SLFN11: variants seen among roughly 807,000 people sequenced by gnomAD.
SLFN11 encodes the protein schlafen family member 11.
In SLFN11, 43 loss-of-function variants were observed where a neutral mutation model predicts 53.4. The observed-to-expected ratio is 0.80, with a 90% CI of 0.63 to 1.04. SLFN11 has a LOEUF of 1.04. Among genes scored for constraint, SLFN11 ranks in the 50% least tolerant of loss-of-function variants. The probability of loss-of-function intolerance (pLI) is 0.00; values close to 1 mark genes in which losing one functional copy is unlikely to be tolerated. For synonymous variants in SLFN11, 389 were observed against 394.7 expected (o/e 0.99, Z 0.17); for missense variants, 990 against 1,079.1 (o/e 0.92, Z 1.16).
intron 1 of SLFN11, among the ~76,000 whole-genome samples, chr17:35,370,772 A>G (rs774711111): frequency 6.6e-6 from 1 of 152,090 alleles, no homozygotes; most frequent in Non-Finnish European, 1.5e-5. Context: ...TAAATGAAAG[A>G]TCTCTACAAT....
chr17:35,359,981 G>C (rs184682175), intron 5 of SLFN11: 1 of 343,380 alleles, frequency 2.9e-6, no homozygotes, highest in African/African-American at 2.2e-5. Context: ...CTGATGATCA[G>C]CCAGATTTGG....
At position 35,362,852 on chromosome 17, in the gene SLFN11, G is replaced by T. The variant is rs772760907; in HGVS notation, c.956C>A (p.Pro319His). Residue 319 changes from proline to histidine, a missense_variant, in exon 4 of 7, where the codon CCC becomes CAC. Around this residue, in one of 3 missense-constraint regions of SLFN11, gnomAD observed 521 missense variants for 516.2 expected, o/e 1.01. Coordinates refer to ENST00000685675, the MANE Select transcript of SLFN11 (RefSeq NM_001376007.1). Reference protein sequence around the residue: ...YGYACMIRVNPFCCAVFSEAP... With the variant: ...YGYACMIRVNHFCCAVFSEAP... ...TTCTGAGAACACTGCACAGCAGAAGGGATTTACTCTGATCATGCAAGCATA... is the reference window on the plus strand; with the variant it reads ...TTCTGAGAACACTGCACAGCAGAAGTGATTTACTCTGATCATGCAAGCATA... The T allele has an allele frequency of 4.1e-5, 66 of 1,613,762 alleles. 1 individual carries two copies. Among genetic ancestry groups the T allele is most frequent in the Admixed American group, 1.2e-4 (7 of 59,982 alleles).
intron 4 of SLFN11, among the ~76,000 whole-genome samples, chr17:35,361,803 G>A (rs1389242534): frequency 6.6e-6 from 1 of 151,812 alleles, no homozygotes; most frequent in East Asian, 1.9e-4. Context: ...GGAGTGCAGT[G>A]GTGCAATCTC....
intron 1 of SLFN11, among the ~76,000 whole-genome samples, chr17:35,368,677 C>T (rs1417291254): frequency 6.6e-6 from 1 of 152,076 alleles, no homozygotes; most frequent in Non-Finnish European, 1.5e-5. Flanking sequence ...TAAGAGAGTG[C>T]TTGCACCACC....
intron 3 of SLFN11, among the ~76,000 whole-genome samples, chr17:35,365,882 T>C (rs573384741): frequency 7.0e-6 from 1 of 143,326 alleles, no homozygotes; most frequent in South Asian, 2.3e-4. Flanking sequence ...GCATAGTGAA[T>C]AAAGATGCAC....
At position 35,353,742 on chromosome 17, in the gene SLFN11, C is replaced by T. The variant is rs570453246; in HGVS notation, c.1516G>A (p.Gly506Arg). The T allele has an allele frequency of 3.3e-6, 5 of 1,500,072 alleles. No homozygotes were observed. Among genetic ancestry groups the T allele is most frequent in the African/African-American group, 3.0e-5 (2 of 66,972 alleles). The allele number at this position is 1,500,072 out of a possible 1,614,324, so 92.9% of individuals were successfully genotyped here. A position where few individuals can be genotyped will look rare whatever the true frequency, so the allele number is the denominator to read the frequency against. ...ACCTTGGCCCTGACACACACCTTCC[C>T]GGTGTAGCCCCCCATGTTCACTAGC... The part of the protein sequence containing the change: ...QKLVNMGGYT[G>R]KVCVRAKVLC... The change falls in exon 6 of 7, where the codon GGG becomes AGG. Residue 506 changes from glycine (G) to arginine (R), a missense_variant. This residue lies in a region of SLFN11 where 156 missense variants were observed against 241.9 expected (regional missense o/e 0.64). Coordinates refer to ENST00000685675, the MANE Select transcript of SLFN11 (RefSeq NM_001376007.1).
At chr17:35,354,274 A>G (rs1366738682) in intron 5 of SLFN11, among the ~76,000 whole-genome samples, 1 of 152,090 alleles carries the variant, frequency 6.6e-6, no homozygotes, top group Non-Finnish European at 1.5e-5. Context: ...ACAACTTATA[A>G]CCTTGGGAAA....
Position 35,363,541 on chromosome 17 carries a change from A to T in SLFN11, c.267T>A (p.Asp89Glu). ...QSLRELIQSS[D>E]LQAFFETKQQ... is the part of the protein sequence containing the mutation. ...GCTTGGTCTCAAAGAAAGCCTGCAGATCTGAAGACTGAATAAGCTCTCTCA... is the reference window on the plus strand; with the variant it reads ...GCTTGGTCTCAAAGAAAGCCTGCAGTTCTGAAGACTGAATAAGCTCTCTCA... The change falls in exon 4 of 7, where the codon GAT (aspartate) becomes GAA (glutamate). Residue 89 changes from aspartate to glutamate, a missense_variant. Physicochemically the swap from Asp to Glu is conservative, Grantham distance 45 (BLOSUM62 2). Coordinates refer to ENST00000685675, the MANE Select transcript of SLFN11 (RefSeq NM_001376007.1). The T allele has an allele frequency of 6.2e-7, 1 of 1,614,068 alleles. No homozygotes were observed. The highest frequency in any genetic ancestry group is 8.5e-7 in the Non-Finnish European group (1 of 1,179,992).
At chr17:35,359,381 TG>T (rs1235192197) in intron 5 of SLFN11, among the ~76,000 whole-genome samples, 1 of 152,120 alleles carries the variant, frequency 6.6e-6, no homozygotes, top group Non-Finnish European at 1.5e-5. Context: ...GAAATTCTAA[TG>T]GGGGCAGTCA....
Position 35,363,164 on chromosome 17 carries a change from A to G in SLFN11, c.644T>C (p.Phe215Ser). 1 of 1,614,006 alleles carries G rather than the reference A, an allele frequency of 6.2e-7. No homozygotes were observed. Among genetic ancestry groups the G allele is most frequent in the Non-Finnish European group, 8.5e-7 (1 of 1,179,984 alleles). The change falls in exon 4 of 7, where the codon TTT becomes TCT. Residue 215 changes from phenylalanine (F) to serine (S), a missense_variant. Phe to Ser is a radical substitution (Grantham distance 155, BLOSUM62 -2). Coordinates refer to ENST00000685675, the MANE Select transcript of SLFN11 (RefSeq NM_001376007.1). ...LPFPESQLVE[F>S]KQFSTKHFQE... ...GAAGTGTTTTGTAGAGAACTGTTTA[A>G]ACTCTACTAACTGAGACTCAGGAAA...
chr17:35,357,141 T>TGTGC (rs1907603035), intron 5 of SLFN11, among the ~76,000 whole-genome samples: 1 of 76,776 alleles, frequency 1.3e-5, no homozygotes, highest in Non-Finnish European at 2.6e-5. Context: ...TTTCTGTGCG[T>TGTGC]GTGTGTGTGT....
At chr17:35,358,107 TC>T (rs1907759670) in intron 5 of SLFN11, among the ~76,000 whole-genome samples, 1 of 150,826 alleles carries the variant, frequency 6.6e-6, no homozygotes, top group Non-Finnish European at 1.5e-5. Context: ...TATGTAACAT[TC>T]CCTGATTCAC....
intron 5 of SLFN11, among the ~76,000 whole-genome samples, chr17:35,355,065 A>G (rs185497704): frequency 6.6e-6 from 1 of 152,274 alleles, no homozygotes; most frequent in Non-Finnish European, 1.5e-5. Context: ...TGGATAAAAT[A>G]GGATAATTGA....
chr17:35,362,775 C>A lies in SLFN11; in HGVS notation c.1033G>T (p.Glu345Ter), dbSNP rs541053267. The A allele has an allele frequency of 6.3e-7, 1 of 1,590,544 alleles. No individual in the cohort carries two copies. The highest frequency in any genetic ancestry group is 2.2e-5 in the East Asian group (1 of 44,674). ...TCTGTCATCATGCCTACCCATTTCT[C>A]GGTTGTCAGGCTGCAGACGTACTTG... Reference protein sequence around the residue: ...EDKYVCSLTTEKWVGMMTDTD... With the variant: ...EDKYVCSLTT The change falls in exon 4 of 7, where the codon GAG becomes TAG. Residue 345 changes from glutamate (E) to a stop codon, truncating the protein, a stop_gained. Transcript: ENST00000685675. LOFTEE classifies it high-confidence loss of function.
chr17:35,363,784 C>T lies in SLFN11; in HGVS notation c.24G>A (p.Leu8=). MEANQCP[L]VVEPSYPDLV... is the part of the protein sequence containing the mutation. ...GGTCTGGGTAAGATGGTTCCACAAC[C>T]AGGGGGCACTGATTTGCCTCCATGT... is the stretch of plus-strand genomic sequence containing the variant. The change falls in exon 4 of 7, where the codon CTG becomes CTA. Residue 8 remains leucine, a synonymous_variant. Coordinates refer to ENST00000685675, the MANE Select transcript of SLFN11 (RefSeq NM_001376007.1). The T allele has an allele frequency of 1.3e-6, 2 of 1,584,812 alleles. No individual in the cohort carries two copies. The highest frequency in any genetic ancestry group is 1.7e-6 in the Non-Finnish European group (2 of 1,168,936).
Position 35,362,867 on chromosome 17 carries a change from A to G in SLFN11, c.941T>C (p.Met314Thr). ...ACAGCAGAAGGGATTTACTCTGATCATGCAAGCATAGCCATAGAGCTCTCC... is the reference window on the plus strand; with the variant it reads ...ACAGCAGAAGGGATTTACTCTGATCGTGCAAGCATAGCCATAGAGCTCTCC... ...KRGELYGYAC[M>T]IRVNPFCCAV... The change falls in exon 4 of 7, where the codon ATG (methionine) becomes ACG (threonine). Residue 314 changes from methionine to threonine, a missense_variant. By Grantham distance (81) the Met-to-Thr change is moderately conservative (BLOSUM62 -1). Coordinates refer to ENST00000685675, the MANE Select transcript of SLFN11 (RefSeq NM_001376007.1). 6.2e-7 allele frequency: 1 copy of G among 1,614,040 alleles called. No homozygotes were observed. The highest frequency in any genetic ancestry group is 2.2e-5 in the East Asian group (1 of 44,888).
rs775182631 is a variant in SLFN11 at position 35,350,911 on chromosome 17, G to A, written c.*1445C>T. On this transcript the variant is annotated 3_prime_UTR_variant, in exon 7 of 7. Transcript: ENST00000685675. ...GCAAATATTTTACTGTTAATATTTA[G>A]ATTAGTGTTTTAGAACGTTTTGTAG... 3.9e-5 allele frequency: 6 copies of A among 152,206 alleles called. No individual in the cohort carries two copies. Among genetic ancestry groups the A allele is most frequent in the Non-Finnish European group, 5.9e-5 (4 of 68,030 alleles). 9.4% of individuals were successfully genotyped at this position (152,206 alleles called of 1,614,324 possible).
chr17:35,351,914 C>T lies in SLFN11; in HGVS notation c.*442G>A, dbSNP rs151032766. ...ATTCAGGAAACAATTGCTTCTGCTA[C>T]GGCCAGTAAGCTCCTAACAGACCAT... On this transcript the variant is annotated 3_prime_UTR_variant, in exon 7 of 7. Transcript: ENST00000685675. The T allele has an allele frequency of 9.4e-4, 155 of 164,524 alleles. No homozygotes were observed. The Middle Eastern group carries it at 0.021, about 22-fold the overall frequency. 10.2% of individuals were successfully genotyped at this position (164,524 alleles called of 1,614,324 possible).
intron 1 of SLFN11, among the ~76,000 whole-genome samples, chr17:35,373,175 C>A (rs1469131600): frequency 6.6e-6 from 1 of 152,044 alleles, no homozygotes; most frequent in Non-Finnish European, 1.5e-5. Context: ...CCGCAGAAAC[C>A]GCGGCTGGCT....
Sources: allele counts gnomAD v4.1 joint callset (sites outside exome capture counted in the v4.1 genomes callset), GRCh38; gene constraint gnomAD v4.1.1; regional missense constraint gnomAD v4.1.1; transcripts MANE v1.5; gene names NCBI Gene and HGNC (gene_info 2026-07-23, HGNC 2026-07-21).